The following SLC6A18 variants were observed in gnomAD, a reference collection of about 807,000 sequenced individuals.
The protein encoded by SLC6A18 is solute carrier family 6 member 18.
In SLC6A18, 58 loss-of-function variants were observed where a neutral mutation model predicts 62.9. That is an observed-to-expected ratio of 0.92 (90% confidence interval 0.75 to 1.15). The LOEUF (loss-of-function observed/expected upper bound fraction) is 1.15. Among genes scored for constraint, SLC6A18 ranks in the 50% most tolerant of loss-of-function variants. The probability of loss-of-function intolerance (pLI) is 0.00; values close to 1 mark genes in which losing one functional copy is unlikely to be tolerated. For synonymous variants in SLC6A18, 382 were observed against 365.8 expected (o/e 1.04, Z -0.51); for missense variants, 793 against 836.6 (o/e 0.95, Z 0.64).
intron 4 of SLC6A18, among the ~76,000 whole-genome samples, chr5:1,236,610 C>G (rs188162716): frequency 6.6e-6 from 1 of 152,190 alleles, no homozygotes; most frequent in South Asian, 2.1e-4. Flanking sequence ...GCTATCATCT[C>G]CAGTCTGGTA....
intron 1 of SLC6A18, among the ~76,000 whole-genome samples, chr5:1,229,101 A>AT (rs1746657698): frequency 6.6e-6 from 1 of 152,132 alleles, no homozygotes; most frequent in Admixed American, 6.5e-5. Context: ...ACTCTGGTTG[A>AT]TTTTTTATCT....
At chr5:1,236,041 T>C (rs1050151750) in intron 4 of SLC6A18, among the ~76,000 whole-genome samples, 1 of 152,226 alleles carries the variant, frequency 6.6e-6, no homozygotes, top group African/African-American at 2.4e-5. Context: ...TGCCTTTTAT[T>C]TGGGGTGTTT....
rs1747060339 is a variant in SLC6A18, at chr5:1,241,543, G to A, written c.974+884G>A. On this transcript the variant is annotated intron_variant, in intron 7 of 11. Transcript: ENST00000324642. The surrounding 1 kb of genome is among the most constrained non-coding windows in gnomAD (Gnocchi z 7.8). ...GGGAGCAGGGCAGCACGTCAGCACTGCACCTGATGGCACTTTTCAACGGGG... is the reference window on the plus strand; with the variant it reads ...GGGAGCAGGGCAGCACGTCAGCACTACACCTGATGGCACTTTTCAACGGGG... Among the ~76,000 whole-genome samples the A allele has an allele frequency of 1.3e-5, 2 of 152,160 alleles. No homozygotes were observed. Among genetic ancestry groups the A allele is most frequent in the Admixed American group, 1.3e-4 (2 of 15,282 alleles).
chr5:1,242,662 T>C (rs763498577), intron 7 of SLC6A18, 45 bp from the exon 8 acceptor site: 1 of 1,559,536 alleles, frequency 6.4e-7, no homozygotes, highest in East Asian at 2.3e-5. Context: ...CTGGATGTGT[T>C]TGGGAACCAG....
chr5:1,240,561 C>T lies in SLC6A18; in HGVS notation c.876C>T (p.Ile292=), dbSNP rs777019163. ...RNDCQKDAVV[I]ALVNRMTSLY... is the part of the protein sequence containing the mutation. ...ACTGCCAGAAGGATGCGGTGGTCAT[C>T]GCCCTGGTCAACAGGATGACCTCCC... The change falls in exon 7 of 12, where the codon ATC becomes ATT. Residue 292 remains isoleucine, a synonymous_variant. Transcript: ENST00000324642. 23 of 1,613,998 alleles carry T rather than the reference C, an allele frequency of 1.4e-5. No homozygotes were observed. The highest frequency in any genetic ancestry group is 1.8e-5 in the Non-Finnish European group (21 of 1,180,028).
intron 1 of SLC6A18, among the ~76,000 whole-genome samples, chr5:1,226,079 G>A (rs939150652): frequency 1.3e-5 from 2 of 152,172 alleles, no homozygotes; most frequent in Non-Finnish European, 2.9e-5. Flanking sequence ...GCCCTTCTCC[G>A]AGGTTCTTTG....
At chr5:1,233,802 T>A (rs13158399) in intron 3 of SLC6A18, among the ~76,000 whole-genome samples, 1 of 150,832 alleles carries the variant, frequency 6.6e-6, no homozygotes, top group Non-Finnish European at 1.5e-5. Flanking sequence ...AGTGCAGTGG[T>A]GCTATCTTGG....
chr5:1,238,280 AGGT>A, intron 5 of SLC6A18, among the ~76,000 whole-genome samples: 1 of 123,588 alleles, frequency 8.1e-6, no homozygotes, highest in South Asian at 2.7e-4. Context: ...CTCAGGAAAG[AGGT>A]CAGGTTTGGA....
At position 1,241,292 on chromosome 5, in the gene SLC6A18, C is replaced by G. The variant is rs1747053949; in HGVS notation, c.974+633C>G. Reference sequence around the variant, plus strand: ...ACCTTCAGGTGGGTCCTTGAGAACCCACTGGGCAGACAGCACGTCCCTGCA... The same window carrying G: ...ACCTTCAGGTGGGTCCTTGAGAACCGACTGGGCAGACAGCACGTCCCTGCA... On this transcript the variant is annotated intron_variant, in intron 7 of 11. Transcript: ENST00000324642. This position sits in a 1 kb window ranked among gnomAD's most constrained non-coding sequence, Gnocchi z 7.8. Among the ~76,000 whole-genome samples, 3 of 152,196 alleles carry G rather than the reference C, an allele frequency of 2.0e-5. No individual in the cohort carries two copies. Among genetic ancestry groups the G allele is most frequent in the Admixed American group, 2.0e-4 (3 of 15,282 alleles).
chr5:1,232,127 C>T, intron 1 of SLC6A18, 92 bp from the exon 2 acceptor site: 1 of 1,199,194 alleles, frequency 8.3e-7, no homozygotes, highest in East Asian at 2.5e-5. Context: ...CCCGTCTGCC[C>T]CTTGAAGACC....
intron 11 of SLC6A18, among the ~76,000 whole-genome samples, chr5:1,245,362 T>C (rs1253253539): frequency 6.6e-6 from 1 of 152,114 alleles, no homozygotes; most frequent in Admixed American, 6.5e-5. Context: ...AACCTCACCA[T>C]GCCACCCCTT....
rs528584542 is a variant in SLC6A18 at position 1,243,072 on chromosome 5, C to T, written c.1131+209C>T. On this transcript the variant is annotated intron_variant, in intron 8 of 11. Transcript: ENST00000324642. The surrounding 1 kb of genome is among the most constrained non-coding windows in gnomAD (Gnocchi z 6.5). ...CCTGGGGGCAGCTGTGTCCAGCAGA[C>T]GCTGCACCCAGCAGTCTTGGGGGTT... Among the ~76,000 whole-genome samples, 7 of 152,348 alleles carry T rather than the reference C, an allele frequency of 4.6e-5. No homozygotes were observed. The highest frequency in any genetic ancestry group is 1.0e-4 in the Non-Finnish European group (7 of 68,026).
intron 7 of SLC6A18, 64 bp downstream of exon 7, chr5:1,240,723 G>A (rs886985524): frequency 5.9e-5 from 95 of 1,599,108 alleles, no homozygotes; most frequent in Non-Finnish European, 5.9e-5. Context: ...CTGCCGCACC[G>A]AGAATCCCAA....
chr5:1,240,410 G>C, intron 6 of SLC6A18, 121 bp from the exon 7 acceptor site: 1 of 1,463,864 alleles, frequency 6.8e-7, no homozygotes, highest in Non-Finnish European at 9.2e-7. Context: ...CCTTGGGTCA[G>C]AGAAGGGGCA....
At chr5:1,245,089 G>A (rs1029013370) in intron 11 of SLC6A18, among the ~76,000 whole-genome samples, 8 of 152,186 alleles carry the variant, frequency 5.3e-5, no homozygotes, top group Non-Finnish European at 1.2e-4. Context: ...TTGGGGATGT[G>A]GCTTCATCCT....
In SLC6A18 at chr5:1,243,710, G is replaced by A; in HGVS notation, c.1287G>A (p.Leu429=). 6.2e-7 allele frequency: 1 copy of A among 1,613,672 alleles called. No individual in the cohort carries two copies. The highest frequency in any genetic ancestry group is 8.5e-7 in the Non-Finnish European group (1 of 1,179,890). The change falls in exon 9 of 12, where the codon CTG becomes CTA. Residue 429 remains leucine, a synonymous_variant. Transcript: ENST00000324642. This position sits in a 1 kb window ranked among gnomAD's most constrained non-coding sequence, Gnocchi z 6.5. The stretch of plus-strand genomic sequence containing the variant: ...CCGTGGAGGCGGTCATCACACCCCT[G>A]CTGGACGTGGGGGTCCTGCCTAGAT... The part of the protein sequence containing the change: ...FGTVEAVITP[L]LDVGVLPRWV...
Position 1,225,597 on chromosome 5 carries a change from C to T in SLC6A18, c.120C>T (p.Asn40=). ...CTGGGTTTGCCGTGGGACTGGGGAA[C>T]ATTTGGCGGTTCCCATACCTGTGCC... ...SCTGFAVGLG[N]IWRFPYLCQT... The change falls in exon 1 of 12, where the codon AAC becomes AAT. Residue 40 remains asparagine, a synonymous_variant. Coordinates refer to ENST00000324642, the MANE Select transcript of SLC6A18 (RefSeq NM_182632.3). 1 of 1,607,020 alleles carries T rather than the reference C, an allele frequency of 6.2e-7. No individual in the cohort carries two copies. Among genetic ancestry groups the T allele is most frequent in the African/African-American group, 1.3e-5 (1 of 74,802 alleles).
chr5:1,227,184 C>T (rs1746607867), intron 1 of SLC6A18, among the ~76,000 whole-genome samples: 3 of 151,700 alleles, frequency 2.0e-5, no homozygotes, highest in African/African-American at 7.2e-5. Flanking sequence ...CGATGCCTTG[C>T]CCACCGAAAC....
At chr5:1,242,626 CT>C in intron 7 of SLC6A18, 80 bp from the exon 8 acceptor site, 1 of 1,519,348 alleles carries the variant, frequency 6.6e-7, no homozygotes. Context: ...GGATGCTGTG[CT>C]TCGCAGCACC....
Sources: allele counts gnomAD v4.1 joint callset (sites outside exome capture counted in the v4.1 genomes callset), GRCh38; gene constraint gnomAD v4.1.1; non-coding constraint Gnocchi (gnomAD v3.1); transcripts MANE v1.5; gene names NCBI Gene and HGNC (gene_info 2026-07-23, HGNC 2026-07-21).